ADAMTS17: variants seen among roughly 807,000 people sequenced by gnomAD.
The protein encoded by ADAMTS17 is ADAM metallopeptidase with thrombospondin type 1 motif 17.
A neutral mutation model predicts 141.5 loss-of-function variants in ADAMTS17; 113 were observed. That is an observed-to-expected ratio of 0.80 (90% CI 0.69 to 0.93). The LOEUF is 0.93. Among genes scored for constraint, ADAMTS17 ranks in the 40% least tolerant of loss-of-function variants. The probability of loss-of-function intolerance (pLI) is 0.00; values close to 1 mark genes in which losing one functional copy is unlikely to be tolerated. For missense variants in ADAMTS17, 1,659 were observed against 1,517.9 expected (o/e 1.09, Z -1.54); for synonymous variants, 768 against 630.6 (o/e 1.22, Z -3.27).
At chr15:100,050,932 A>AAC (rs1302550137) in intron 17 of ADAMTS17, among the ~76,000 whole-genome samples, 1 of 152,212 alleles carries the variant, frequency 6.6e-6, no homozygotes, top group Non-Finnish European at 1.5e-5. Flanking sequence ...CACAACAATA[A>AAC]ACACAATGCC....
At chr15:100,063,743 G>C in intron 15 of ADAMTS17, 1 of 1,290,024 alleles carries the variant, frequency 7.8e-7, no homozygotes, top group African/African-American at 1.5e-5. Flanking sequence ...CAGGAATGAC[G>C]GCAGCTTCGA....
At chr15:100,141,450 T>C (rs1030448213) in intron 10 of ADAMTS17, among the ~76,000 whole-genome samples, 1 of 152,184 alleles carries the variant, frequency 6.6e-6, no homozygotes, top group African/African-American at 2.4e-5. Flanking sequence ...CTCTCAAAAA[T>C]GTGCTGCTGA....
intron 8 of ADAMTS17, among the ~76,000 whole-genome samples, chr15:100,197,342 G>T (rs2041158482): frequency 6.6e-6 from 1 of 152,202 alleles, no homozygotes; most frequent in African/African-American, 2.4e-5. Flanking sequence ...CAACTCGGGT[G>T]TTGGTAAGTA....
intron 15 of ADAMTS17, among the ~76,000 whole-genome samples, chr15:100,061,336 G>C (rs1567107967): frequency 6.6e-6 from 1 of 152,166 alleles, no homozygotes; most frequent in East Asian, 1.9e-4. Flanking sequence ...GAAGGAAGCA[G>C]AGCAAGACCT....
chr15:100,131,459 G>A (rs994474624), intron 12 of ADAMTS17, among the ~76,000 whole-genome samples: 4 of 151,778 alleles, frequency 2.6e-5, no homozygotes, highest in Non-Finnish European at 5.9e-5. Context: ...ATCGATCCCT[G>A]AGTTTCGTGG....
intron 7 of ADAMTS17, among the ~76,000 whole-genome samples, chr15:100,220,864 T>A (rs1446969796): frequency 2.0e-5 from 3 of 152,258 alleles, no homozygotes; most frequent in Non-Finnish European, 4.4e-5. Flanking sequence ...TATTGCCAAA[T>A]AACATTCCAT....
chr15:100,108,710 G>A (rs1394914222), intron 14 of ADAMTS17, among the ~76,000 whole-genome samples: 6 of 152,180 alleles, frequency 3.9e-5, no homozygotes, highest in African/African-American at 1.4e-4. Flanking sequence ...GCCTACCTTC[G>A]TCTTGGTCAT....
intron 7 of ADAMTS17, among the ~76,000 whole-genome samples, chr15:100,225,368 G>A (rs539903873): frequency 6.6e-6 from 1 of 152,284 alleles, no homozygotes; most frequent in East Asian, 1.9e-4. Context: ...AGGGGACAAA[G>A]GGGACTTGGG....
In ADAMTS17 at chr15:100,049,139, T is replaced by C. The variant is rs2031944370; in HGVS notation, c.2456-147A>G. 4 of 1,255,292 alleles carry C rather than the reference T, an allele frequency of 3.2e-6. No individual in the cohort carries two copies. In the East Asian group the frequency reaches 1.0e-4, roughly 31 times the overall value. The allele number at this position is 1,255,292 out of a possible 1,614,324, so 77.8% of individuals were successfully genotyped here. On this transcript the variant is annotated intron_variant, in intron 17 of 21. Transcript: ENST00000268070. ...CTGCTGTAAATGTCATGTGGGTTTT[T>C]AGAGAGGAAGAACTATAATCGTAGG... is the stretch of plus-strand genomic sequence containing the variant.
At chr15:100,007,216 G>C (rs951415710) in intron 18 of ADAMTS17, among the ~76,000 whole-genome samples, 1 of 152,230 alleles carries the variant, frequency 6.6e-6, no homozygotes, top group Non-Finnish European at 1.5e-5. Flanking sequence ...GCATTCAGAC[G>C]GAGGGAGCCT....
chr15:100,102,647 T>C (rs2141055747), intron 14 of ADAMTS17, among the ~76,000 whole-genome samples: 1 of 152,356 alleles, frequency 6.6e-6, no homozygotes, highest in Admixed American at 6.5e-5. Context: ...AGCTGGGCAC[T>C]GCTGCATGGT....
At chr15:100,336,008 T>C (rs897037259) in intron 2 of ADAMTS17, among the ~76,000 whole-genome samples, 1 of 152,316 alleles carries the variant, frequency 6.6e-6, no homozygotes, top group African/African-American at 2.4e-5. Context: ...ACATCCAAGA[T>C]CAGGCAGCTG....
intron 3 of ADAMTS17, among the ~76,000 whole-genome samples, chr15:100,317,736 G>C (rs1278205832): frequency 6.6e-6 from 1 of 152,188 alleles, no homozygotes; most frequent in South Asian, 2.1e-4. Flanking sequence ...TGACTTACGA[G>C]GCATGCATGT....
chr15:99,987,721 C>T (rs2060618599), intron 20 of ADAMTS17, among the ~76,000 whole-genome samples: 1 of 152,236 alleles, frequency 6.6e-6, no homozygotes, highest in African/African-American at 2.4e-5. Flanking sequence ...GTCCCCACCA[C>T]CACCCTAGGG....
At chr15:100,316,853 C>T (rs754194468) in intron 3 of ADAMTS17, among the ~76,000 whole-genome samples, 5 of 152,228 alleles carry the variant, frequency 3.3e-5, no homozygotes, top group East Asian at 1.9e-4. Flanking sequence ...CCAGCCTCTA[C>T]GTGCTGGGAA....
chr15:100,049,426 G>A (rs144442947), intron 17 of ADAMTS17, among the ~76,000 whole-genome samples: 5 of 152,292 alleles, frequency 3.3e-5, no homozygotes, highest in Admixed American at 2.6e-4. Flanking sequence ...TGCTTGCTGG[G>A]GAGAAGTGGG....
At chr15:100,134,846 A>G (rs79560225) in intron 10 of ADAMTS17, among the ~76,000 whole-genome samples, 1 of 152,300 alleles carries the variant, frequency 6.6e-6, no homozygotes, top group African/African-American at 2.4e-5. Flanking sequence ...CGCTTCAGAA[A>G]AGCCTGCATG....
At chr15:100,294,854 C>T (rs529054979) in intron 3 of ADAMTS17, among the ~76,000 whole-genome samples, 53 of 152,274 alleles carry the variant, frequency 3.5e-4, no homozygotes, top group African/African-American at 8.2e-4. Flanking sequence ...GAAACGTTAG[C>T]GACATTTTAC....
At chr15:100,197,313 A>C (rs1037225615) in intron 8 of ADAMTS17, among the ~76,000 whole-genome samples, 2 of 152,174 alleles carry the variant, frequency 1.3e-5, no homozygotes, top group Non-Finnish European at 2.9e-5. Flanking sequence ...ATTTAAATTG[A>C]CTATTCAAAG....
Sources: allele counts gnomAD v4.1 joint callset (sites outside exome capture counted in the v4.1 genomes callset), GRCh38; gene constraint gnomAD v4.1.1; transcripts MANE v1.5; gene names NCBI Gene and HGNC (gene_info 2026-07-23, HGNC 2026-07-21).